DRD3: variants seen among roughly 807,000 people sequenced by gnomAD.
The protein encoded by DRD3 is dopamine receptor D3, also known as D(3) dopamine receptor.
A neutral mutation model predicts 36.3 loss-of-function variants in DRD3; 19 were observed. That is an observed-to-expected ratio of 0.52 (90% CI 0.36 to 0.77). The LOEUF (loss-of-function observed/expected upper bound fraction) is 0.77. Ranked by LOEUF, DRD3 falls within the 30% of genes least tolerant of loss-of-function variation. DRD3 has a pLI of 0.00. For synonymous variants in DRD3, 195 were observed against 203.7 expected (o/e 0.96, Z 0.36); for missense variants, 465 against 505.3 (o/e 0.92, Z 0.77).
rs573119127 is a variant in DRD3, at chr3:114,192,726, A to G, written c.-156+6547T>C. 3.9e-5 allele frequency among the ~76,000 whole-genome samples: 6 copies of G among 152,294 alleles called. No individual in the cohort carries two copies. The South Asian group carries it at 8.3e-4, about 21-fold the overall frequency. ...TGAAATTTTATGTCTACTTATTCCA[A>G]TTGTCAATGGAACAGTCTCCAGAGA... On this transcript the variant is annotated intron_variant, in intron 1 of 7. Transcript: ENST00000460779.
At chr3:114,164,467 G>C (rs538611192) in intron 2 of DRD3, among the ~76,000 whole-genome samples, 2 of 152,074 alleles carry the variant, frequency 1.3e-5, no homozygotes, top group African/African-American at 4.8e-5. Flanking sequence ...AATAGACACA[G>C]CCTAGGGCAG....
At chr3:114,148,186 C>T (rs1405516604) in intron 3 of DRD3, among the ~76,000 whole-genome samples, 1 of 152,122 alleles carries the variant, frequency 6.6e-6, no homozygotes, top group Non-Finnish European at 1.5e-5. Flanking sequence ...TCTACCTGAT[C>T]ACCCAGCATA....
chr3:114,169,893 C>T (rs1048411286), intron 2 of DRD3, among the ~76,000 whole-genome samples: 1 of 152,154 alleles, frequency 6.6e-6, no homozygotes, highest in Non-Finnish European at 1.5e-5. Context: ...ACAAATGCCC[C>T]TGAGTGGCTT....
chr3:114,155,376 G>A (rs1458281964), intron 3 of DRD3, among the ~76,000 whole-genome samples: 1 of 152,120 alleles, frequency 6.6e-6, no homozygotes, highest in Non-Finnish European at 1.5e-5. Context: ...AGGGAGCTTC[G>A]TTTTCGCTTG....
chr3:114,173,679 T>C (rs1406961099), intron 1 of DRD3, among the ~76,000 whole-genome samples: 1 of 152,238 alleles, frequency 6.6e-6, no homozygotes, highest in African/African-American at 2.4e-5. Flanking sequence ...TATGGAATTT[T>C]GAAAGGTCCA....
chr3:114,196,119 T>C (rs2078034701), intron 1 of DRD3, among the ~76,000 whole-genome samples: 1 of 152,180 alleles, frequency 6.6e-6, no homozygotes, highest in African/African-American at 2.4e-5. Context: ...AGGAACTGTT[T>C]TTGTTGTTCA....
At chr3:114,146,461 T>C (rs958394992) in intron 4 of DRD3, among the ~76,000 whole-genome samples, 1 of 152,066 alleles carries the variant, frequency 6.6e-6, no homozygotes, top group Non-Finnish European at 1.5e-5. Context: ...CTCACACTTG[T>C]AATCCCAGCA....
chr3:114,189,751 T>A (rs1040364906), intron 1 of DRD3, among the ~76,000 whole-genome samples: 7 of 152,336 alleles, frequency 4.6e-5, no homozygotes, highest in Non-Finnish European at 1.0e-4. Flanking sequence ...TTCTAGTACC[T>A]GTCTTGCCCC....
intron 1 of DRD3, among the ~76,000 whole-genome samples, chr3:114,192,436 T>TA (rs2078015861): frequency 1.3e-5 from 2 of 152,222 alleles, no homozygotes; most frequent in South Asian, 4.1e-4. Flanking sequence ...CTAGGGTCTG[T>TA]ATAGTCAATT....
chr3:114,132,129 T>C lies in DRD3; in HGVS notation c.724-729A>G, dbSNP rs58691497. Among the ~76,000 whole-genome samples the C allele has an allele frequency of 4.8e-3, 734 of 152,276 alleles. 8 individuals are homozygous for C. The highest frequency in any genetic ancestry group is 0.017 in the African/African-American group (702 of 41,554). ...CATGTATGTTTACTGCAGCAATATT[T>C]ACAATAGCAAAGACTTGGAACCAAG... is the stretch of plus-strand genomic sequence containing the variant. On this transcript the variant is annotated intron_variant, in intron 5 of 6. Coordinates refer to ENST00000383673, the MANE Select transcript of DRD3 (RefSeq NM_000796.6).
At chr3:114,189,261 T>C (rs939289933) in intron 1 of DRD3, among the ~76,000 whole-genome samples, 1 of 152,218 alleles carries the variant, frequency 6.6e-6, no homozygotes, top group Non-Finnish European at 1.5e-5. Context: ...TTATTTATAT[T>C]AAGCACACAT....
chr3:114,165,976 C>G (rs546600186), intron 2 of DRD3, among the ~76,000 whole-genome samples: 9 of 148,866 alleles, frequency 6.0e-5, no homozygotes, highest in African/African-American at 2.2e-4. Flanking sequence ...GAGGTAGACC[C>G]AACAGTTTGT....
intron 4 of DRD3, among the ~76,000 whole-genome samples, chr3:114,143,329 T>C (rs2077543278): frequency 6.6e-6 from 1 of 152,242 alleles, no homozygotes; most frequent in Non-Finnish European, 1.5e-5. Flanking sequence ...TTATCCCAAC[T>C]AATCTCAACA....
chr3:114,145,897 T>C (rs2077565825), intron 4 of DRD3, among the ~76,000 whole-genome samples: 1 of 152,178 alleles, frequency 6.6e-6, no homozygotes, highest in Non-Finnish European at 1.5e-5. Context: ...ATTAAAAATG[T>C]CTTAACTAAA....
rs1039551608 is a variant in DRD3 at position 114,128,159 on chromosome 3, C to T, written c.*557G>A. ...TGTTTCTCTTGGTGTGAGAAATTCA[C>T]CTCACCAAATGTAGCCCATCGGATT... On this transcript the variant is annotated 3_prime_UTR_variant, in exon 7 of 7. Coordinates refer to ENST00000383673, the MANE Select transcript of DRD3 (RefSeq NM_000796.6). Among the ~76,000 whole-genome samples the T allele has an allele frequency of 1.3e-5, 2 of 152,214 alleles. No individual in the cohort carries two copies. Among genetic ancestry groups the T allele is most frequent in the African/African-American group, 2.4e-5 (1 of 41,456 alleles).
chr3:114,186,842 C>T (rs2077978010), intron 1 of DRD3, among the ~76,000 whole-genome samples: 1 of 152,322 alleles, frequency 6.6e-6, no homozygotes, highest in South Asian at 2.1e-4. Flanking sequence ...CCTGGTGCTT[C>T]CTACTCCACC....
chr3:114,173,728 G>A (rs1043902331), intron 1 of DRD3, among the ~76,000 whole-genome samples: 13 of 152,222 alleles, frequency 8.5e-5, no homozygotes, highest in South Asian at 2.1e-4. Flanking sequence ...ATGTTGTTAC[G>A]AAGGTGTATT....
At chr3:114,138,108 G>T (rs1254340389) in intron 5 of DRD3, among the ~76,000 whole-genome samples, 1 of 147,014 alleles carries the variant, frequency 6.8e-6, no homozygotes, top group Non-Finnish European at 1.5e-5. Context: ...GGTACAGGCT[G>T]CAGTGAGCTG....
rs546515616 is a variant in DRD3, at chr3:114,154,396, C to T, written c.383+5359G>A. Among the ~76,000 whole-genome samples, 7 of 151,946 alleles carry T rather than the reference C, an allele frequency of 4.6e-5. No homozygotes were observed. In the East Asian group the frequency reaches 1.4e-3, roughly 29 times the overall value. Reference sequence around the variant, plus strand: ...GTTGCTCTTTAGGAAGCTAGCAGTCCAGGAGGAAAGAGGCCAGCCTGGGTG... The same window carrying T: ...GTTGCTCTTTAGGAAGCTAGCAGTCTAGGAGGAAAGAGGCCAGCCTGGGTG... On this transcript the variant is annotated intron_variant, in intron 3 of 6. Transcript: ENST00000383673.
Sources: allele counts gnomAD v4.1 joint callset (sites outside exome capture counted in the v4.1 genomes callset), GRCh38; gene constraint gnomAD v4.1.1; transcripts MANE v1.5; gene names NCBI Gene and HGNC (gene_info 2026-07-23, HGNC 2026-07-21).